The following PKHD1 variants were observed in gnomAD, a reference collection of about 807,000 sequenced individuals.
The protein encoded by PKHD1 is PKHD1 ciliary IPT domain containing fibrocystin/polyductin, also known as fibrocystin.
A neutral mutation model predicts 412.0 loss-of-function variants in PKHD1; 291 were observed. That is an observed-to-expected ratio of 0.71 (90% CI 0.64 to 0.78). The LOEUF is 0.78. PKHD1 is among the 30% of genes least tolerant of loss of function. The pLI, the probability that PKHD1 is intolerant of heterozygous loss-of-function variation, is 0.00. For synonymous variants in PKHD1, 1,777 were observed against 1,821.5 expected (o/e 0.98, Z 0.62); for missense variants, 4,825 against 4,950.7 (o/e 0.97, Z 0.76).
At chr6:51,855,150 TG>T (rs1008548839) in intron 49 of PKHD1, among the ~76,000 whole-genome samples, 24 of 152,342 alleles carry the variant, frequency 1.6e-4, no homozygotes, top group Middle Eastern at 3.4e-3. Flanking sequence ...CCCTTGGCTG[TG>T]GGGAACGGAG....
intron 60 of PKHD1, among the ~76,000 whole-genome samples, chr6:51,706,481 T>TAAAA (rs3061722): frequency 3.5e-5 from 5 of 140,950 alleles, no homozygotes; most frequent in East Asian, 4.1e-4. Context: ...TCTCCCATGG[T>TAAAA]AAAAAAAAAA....
chr6:51,931,495 G>GA (rs1786578771), intron 37 of PKHD1, among the ~76,000 whole-genome samples: 1 of 152,216 alleles, frequency 6.6e-6, no homozygotes, highest in African/African-American at 2.4e-5. Context: ...CGCTGGAGGG[G>GA]AAATCTGTCT....
At chr6:51,970,686 C>A (rs1266902) in intron 35 of PKHD1, among the ~76,000 whole-genome samples, 106,689 of 152,074 alleles carry the variant, frequency 0.7, 37,676 homozygotes, top group Non-Finnish European at 0.75. Context: ...CAATTTCCCC[C>A]GCACACTTAT....
chr6:51,653,690 G>T (rs1473408822), intron 61 of PKHD1, among the ~76,000 whole-genome samples: 1 of 152,014 alleles, frequency 6.6e-6, no homozygotes, highest in African/African-American at 2.4e-5. Flanking sequence ...AATAAACACG[G>T]TACATCTTCC....
chr6:51,775,803 C>G lies in PKHD1; in HGVS notation c.8554+5G>C, dbSNP rs1402749750. ...TTTTTAATAAAAACTATATTATACTCTTACCAATTGTTCCTGGGTCAATAT... is the reference window on the plus strand; with the variant it reads ...TTTTTAATAAAAACTATATTATACTGTTACCAATTGTTCCTGGGTCAATAT... On this transcript the variant is annotated splice_donor_5th_base_variant and intron_variant, in intron 54 of 66. Coordinates refer to ENST00000371117, the MANE Select transcript of PKHD1 (RefSeq NM_138694.4). 3.8e-6 allele frequency: 5 copies of G among 1,301,134 alleles called. No individual in the cohort carries two copies. In the African/African-American group the frequency reaches 4.4e-5, roughly 11 times the overall value. 80.6% of individuals were successfully genotyped at this position (1,301,134 alleles called of 1,614,324 possible). A position where few individuals can be genotyped will look rare whatever the true frequency, so the allele number is the denominator to read the frequency against.
Position 51,822,929 on chromosome 6 carries a change from A to G in PKHD1, c.8302+7932T>C, listed in dbSNP as rs1237730291. Among the ~76,000 whole-genome samples the G allele has an allele frequency of 1.3e-5, 2 of 152,142 alleles. 1 individual carries two copies. The highest frequency in any genetic ancestry group is 4.8e-5 in the African/African-American group (2 of 41,420). ...CTTATTATATTTTTCCATAGCAGCCATCATTGCATTTACTGCTACTATATA... is the reference window on the plus strand; with the variant it reads ...CTTATTATATTTTTCCATAGCAGCCGTCATTGCATTTACTGCTACTATATA... On this transcript the variant is annotated intron_variant, in intron 52 of 66. Coordinates refer to ENST00000371117, the MANE Select transcript of PKHD1 (RefSeq NM_138694.4).
intron 33 of PKHD1, 49 bp from the exon 34 acceptor site, chr6:52,017,678 G>A: frequency 7.2e-7 from 1 of 1,396,856 alleles, no homozygotes; most frequent in Non-Finnish European, 1.0e-6. Context: ...AGAACCTAAG[G>A]CCTCTAGTCG....
chr6:51,911,949 G>T lies in PKHD1; in HGVS notation c.6340C>A (p.His2114Asn). 6.2e-7 allele frequency: 1 copy of T among 1,609,820 alleles called. No homozygotes were observed. Among genetic ancestry groups the T allele is most frequent in the South Asian group, 1.1e-5 (1 of 91,016 alleles). ...GCCACCCAATTCTCTGTAAAGTTGTGAGAATATCTGGAGAAAAAAAGAGGA... is the reference window on the plus strand; with the variant it reads ...GCCACCCAATTCTCTGTAAAGTTGTTAGAATATCTGGAGAAAAAAAGAGGA... Reference protein sequence around the residue: ...LYLKSPLRYSHNFTENWVAGE... With the variant: ...LYLKSPLRYSNNFTENWVAGE... Residue 2114 changes from histidine (H) to asparagine (N), a missense_variant, in exon 39 of 67, where the codon CAC becomes AAC. Coordinates refer to ENST00000371117, the MANE Select transcript of PKHD1 (RefSeq NM_138694.4).
At chr6:51,775,241 T>A (rs1790816361) in intron 54 of PKHD1, among the ~76,000 whole-genome samples, 1 of 151,816 alleles carries the variant, frequency 6.6e-6, no homozygotes, top group Non-Finnish European at 1.5e-5. Context: ...ATAAAATTAG[T>A]AATGCCCATA....
intron 52 of PKHD1, among the ~76,000 whole-genome samples, chr6:51,798,189 G>C (rs1794887197): frequency 6.6e-6 from 1 of 152,094 alleles, no homozygotes; most frequent in Admixed American, 6.6e-5. Context: ...GACCAGCCTG[G>C]CCAACATGGC....
intron 52 of PKHD1, among the ~76,000 whole-genome samples, chr6:51,792,757 T>C (rs1328511991): frequency 1.3e-5 from 2 of 152,216 alleles, no homozygotes; most frequent in Non-Finnish European, 2.9e-5. Flanking sequence ...CCCATCAGGA[T>C]GCAAAGCAAG....
intron 48 of PKHD1, among the ~76,000 whole-genome samples, chr6:51,863,058 T>C (rs1270675979): frequency 6.6e-6 from 1 of 152,188 alleles, no homozygotes; most frequent in South Asian, 2.1e-4. Context: ...ACCTACTACA[T>C]GTCAAGCAAT....
intron 53 of PKHD1, among the ~76,000 whole-genome samples, chr6:51,781,502 A>G (rs1427395548): frequency 6.6e-6 from 1 of 152,170 alleles, no homozygotes. Flanking sequence ...TGCAAAATGT[A>G]CAAAAATTCT....
intron 50 of PKHD1, among the ~76,000 whole-genome samples, chr6:51,842,736 G>C (rs1770450721): frequency 6.6e-6 from 1 of 152,170 alleles, no homozygotes; most frequent in Non-Finnish European, 1.5e-5. Context: ...CCTACAAGTG[G>C]CCATTGTGAG....
At chr6:51,635,689 G>C (rs930464788) in intron 64 of PKHD1, among the ~76,000 whole-genome samples, 29 of 152,000 alleles carry the variant, frequency 1.9e-4, no homozygotes, top group African/African-American at 6.8e-4. Context: ...GGGAGGATTG[G>C]GGATGGTATA....
intron 37 of PKHD1, among the ~76,000 whole-genome samples, chr6:51,922,665 A>G (rs1784887641): frequency 1.3e-5 from 2 of 152,170 alleles, no homozygotes; most frequent in South Asian, 2.1e-4. Context: ...CCCCTCCCCA[A>G]GCCTCGCTGC....
At chr6:52,043,524 A>C in intron 26 of PKHD1, 101 bp downstream of exon 26, 3 of 831,234 alleles carry the variant, frequency 3.6e-6, no homozygotes, top group Non-Finnish European at 6.1e-6. Context: ...CTAATGAACT[A>C]ATTTATCTTC....
At chr6:51,753,930 T>C (rs1015749440) in intron 56 of PKHD1, among the ~76,000 whole-genome samples, 2 of 152,244 alleles carry the variant, frequency 1.3e-5, no homozygotes, top group Non-Finnish European at 2.9e-5. Flanking sequence ...GTCTACCATT[T>C]GCATTTCACC....
At position 51,851,411 on chromosome 6, in the gene PKHD1, T is replaced by G. The variant is rs190211434; in HGVS notation, c.7912-3441A>C. On this transcript the variant is annotated intron_variant, in intron 49 of 66. Transcript: ENST00000371117. The stretch of plus-strand genomic sequence containing the variant: ...TGGTATCAGAATGATGCTGGCTTCA[T>G]AAAATGAGTTAAGGAGGAGTCCCTC... Among the ~76,000 whole-genome samples the G allele has an allele frequency of 1.3e-3, 197 of 152,346 alleles. 1 individual carries two copies. Among genetic ancestry groups the G allele is most frequent in the Middle Eastern group, 0.01 (3 of 294 alleles).
Sources: allele counts gnomAD v4.1 joint callset (sites outside exome capture counted in the v4.1 genomes callset), GRCh38; gene constraint gnomAD v4.1.1; transcripts MANE v1.5; gene names NCBI Gene and HGNC (gene_info 2026-07-23, HGNC 2026-07-21).